The following MYRIP variants were observed in gnomAD, a reference collection of about 807,000 sequenced individuals.
The protein encoded by MYRIP is myosin VIIA and Rab interacting protein.
In MYRIP, 49 loss-of-function variants were observed where a neutral mutation model predicts 98.0. That is an observed-to-expected ratio of 0.50 (90% CI 0.40 to 0.63). The LOEUF is 0.63. Among genes scored for constraint, MYRIP ranks in the 30% least tolerant of loss-of-function variants. The pLI, the probability that MYRIP is intolerant of heterozygous loss-of-function variation, is 0.00. For missense variants in MYRIP, 1,004 were observed against 1,058.2 expected, an observed-to-expected ratio of 0.95 and a Z score of 0.71; for synonymous variants, 404 against 409.5, an observed-to-expected ratio of 0.99 and a Z score of 0.16.
At chr3:39,844,129 C>T (rs1941892029) in intron 1 of MYRIP, among the ~76,000 whole-genome samples, 1 of 152,198 alleles carries the variant, frequency 6.6e-6, no homozygotes, top group African/African-American at 2.4e-5. Flanking sequence ...GGTTCACCCA[C>T]ATGCCTCTTC....
chr3:40,024,442 A>G (rs1322993409), intron 2 of MYRIP, among the ~76,000 whole-genome samples: 3 of 152,104 alleles, frequency 2.0e-5, no homozygotes, highest in Non-Finnish European at 2.9e-5. Context: ...GCTGGAGGGC[A>G]GGTGCAGAGA....
At chr3:40,238,106 G>A (rs1252509570) in intron 12 of MYRIP, among the ~76,000 whole-genome samples, 1 of 152,206 alleles carries the variant, frequency 6.6e-6, no homozygotes, top group African/African-American at 2.4e-5. Context: ...CCCCTCTTCT[G>A]CACCCCTCAT....
intron 1 of MYRIP, among the ~76,000 whole-genome samples, chr3:39,824,038 G>T (rs918326823): frequency 6.6e-6 from 1 of 152,042 alleles, no homozygotes; most frequent in African/African-American, 2.4e-5. Flanking sequence ...TGTTTAAGGC[G>T]AGAAGTGGAG....
intron 3 of MYRIP, among the ~76,000 whole-genome samples, chr3:40,150,823 G>A (rs1950104303): frequency 6.6e-6 from 1 of 152,152 alleles, no homozygotes; most frequent in Non-Finnish European, 1.5e-5. Context: ...CGTGATAAAG[G>A]TTGTGGGATT....
intron 2 of MYRIP, among the ~76,000 whole-genome samples, chr3:40,034,226 T>A (rs1280448873): frequency 6.6e-6 from 1 of 151,922 alleles, no homozygotes; most frequent in Non-Finnish European, 1.5e-5. Context: ...ACAAATGGGA[T>A]CTAATGAAAC....
intron 10 of MYRIP, among the ~76,000 whole-genome samples, chr3:40,195,131 C>T (rs1395339326): frequency 6.6e-6 from 1 of 152,200 alleles, no homozygotes; most frequent in African/African-American, 2.4e-5. Context: ...CCCTTAGTGA[C>T]CTGCTTCCAG....
At chr3:39,858,645 A>G (rs9855447) in intron 1 of MYRIP, among the ~76,000 whole-genome samples, 14,025 of 152,214 alleles carry the variant, frequency 0.092, 932 homozygotes, top group African/African-American at 0.18. Context: ...TTAGGCCACA[A>G]AAAAAGTTGT....
intron 11 of MYRIP, among the ~76,000 whole-genome samples, chr3:40,222,312 A>G (rs1952359840): frequency 6.6e-6 from 1 of 152,196 alleles, no homozygotes; most frequent in Non-Finnish European, 1.5e-5. Context: ...GTTGCTATGA[A>G]AAGGGGTGGT....
intron 11 of MYRIP, among the ~76,000 whole-genome samples, chr3:40,223,777 G>C (rs567272967): frequency 6.6e-6 from 1 of 152,322 alleles, no homozygotes; most frequent in South Asian, 2.1e-4. Flanking sequence ...GTATGGATAA[G>C]AGAAAAAAGC....
At chr3:39,994,494 G>A (rs55837883) in intron 2 of MYRIP, among the ~76,000 whole-genome samples, 72 of 152,380 alleles carry the variant, frequency 4.7e-4, no homozygotes, top group Non-Finnish European at 8.8e-4. Context: ...CTGGGGGAGG[G>A]GCGCCTGCCA....
chr3:40,166,868 G>A lies in MYRIP; in HGVS notation c.573G>A (p.Leu191=), dbSNP rs751735850. The A allele has an allele frequency of 1.1e-5, 17 of 1,613,392 alleles. No individual in the cohort carries two copies. Among genetic ancestry groups the A allele is most frequent in the Non-Finnish European group, 1.4e-5 (17 of 1,179,468 alleles). Residue 191 remains leucine, a synonymous_variant, in exon 6 of 17, where the codon TTG becomes TTA. Transcript: ENST00000302541. Reference sequence around the variant, plus strand: ...TAGGACATAGTGTGATGGACACCTTGGCTGTGGCCCTACGGGTGGCTGAAG... The same window carrying A: ...TAGGACATAGTGTGATGGACACCTTAGCTGTGGCCCTACGGGTGGCTGAAG... The part of the protein sequence containing the change: ...QSEGHSVMDT[L]AVALRVAEEA...
intron 11 of MYRIP, among the ~76,000 whole-genome samples, chr3:40,224,210 G>A (rs374538887): frequency 6.6e-6 from 1 of 152,094 alleles, no homozygotes; most frequent in Non-Finnish European, 1.5e-5. Flanking sequence ...GGTTGAAGTG[G>A]ACAAGTGACA....
At chr3:40,062,850 C>A (rs921919839) in intron 3 of MYRIP, among the ~76,000 whole-genome samples, 6 of 152,026 alleles carry the variant, frequency 3.9e-5, no homozygotes, top group Admixed American at 3.9e-4. Context: ...ATTACCTTAC[C>A]TTGGATAATT....
chr3:40,080,728 C>T (rs1010024862), intron 3 of MYRIP, among the ~76,000 whole-genome samples: 1 of 146,852 alleles, frequency 6.8e-6, no homozygotes, highest in Non-Finnish European at 1.5e-5. Flanking sequence ...TTTCTCTTTT[C>T]AAAAAACCAA....
In MYRIP at chr3:39,884,198, A is replaced by G. The variant is rs114672031; in HGVS notation, c.-30-16589A>G. 1.7e-3 allele frequency among the ~76,000 whole-genome samples: 261 copies of G among 152,246 alleles called. 1 individual carries two copies. Among genetic ancestry groups the G allele is most frequent in the African/African-American group, 5.9e-3 (244 of 41,560 alleles). ...AAAGTGCTAAAAGGAAACAGCATCTACTTAGAATTTCAGAACAAGCAAAAC... is the reference window on the plus strand; with the variant it reads ...AAAGTGCTAAAAGGAAACAGCATCTGCTTAGAATTTCAGAACAAGCAAAAC... On this transcript the variant is annotated intron_variant, in intron 1 of 16. Coordinates refer to ENST00000302541, the MANE Select transcript of MYRIP (RefSeq NM_015460.4).
chr3:40,157,831 C>T (rs563056588), intron 4 of MYRIP, among the ~76,000 whole-genome samples: 83 of 150,804 alleles, frequency 5.5e-4, no homozygotes, highest in Admixed American at 4.3e-3. Flanking sequence ...TCTGTGGGAT[C>T]GGTGGTGATA....
chr3:40,143,040 A>C (rs1407308843), intron 3 of MYRIP, among the ~76,000 whole-genome samples: 1 of 152,220 alleles, frequency 6.6e-6, no homozygotes, highest in Non-Finnish European at 1.5e-5. Context: ...AGCCATGCCC[A>C]AGATGCCTTT....
chr3:40,170,808 C>T (rs1042407851), intron 8 of MYRIP, among the ~76,000 whole-genome samples: 1 of 152,298 alleles, frequency 6.6e-6, no homozygotes, highest in Non-Finnish European at 1.5e-5. Context: ...CAGGGCAGCA[C>T]ACAGGTGCAC....
At chr3:39,959,126 T>C (rs1945253039) in intron 2 of MYRIP, among the ~76,000 whole-genome samples, 1 of 152,198 alleles carries the variant, frequency 6.6e-6, no homozygotes, top group African/African-American at 2.4e-5. Context: ...TGGCGATTCC[T>C]CAAGGACCTA....
Sources: gnomAD v4.1 joint callset for allele counts (sites outside exome capture counted in the v4.1 genomes callset) on GRCh38, gnomAD v4.1.1 for gene constraint, MANE v1.5 for transcripts, NCBI Gene and HGNC (gene_info 2026-07-23, HGNC 2026-07-21) for gene names.